The following CHODL variants were observed in gnomAD, a reference collection of about 807,000 sequenced individuals.
The protein encoded by CHODL is transmembrane protein MT75.
Under a neutral mutation model 34.5 loss-of-function variants are expected in CHODL, and 29 were observed. That is an observed-to-expected ratio of 0.84 (90% CI 0.63 to 1.15). The LOEUF (loss-of-function observed/expected upper bound fraction) is 1.15, where lower values mean the gene tolerates loss of function less well. CHODL is among the 50% of genes most tolerant of loss of function. The pLI, the probability that CHODL is intolerant of heterozygous loss-of-function variation, is 0.00. For missense variants in CHODL, 332 were observed against 332.5 expected (o/e 1.00, Z 0.01); for synonymous variants, 125 against 116.1 (o/e 1.08, Z -0.49).
intron 2 of CHODL, among the ~76,000 whole-genome samples, chr21:18,102,265 C>T (rs1255943682): frequency 2.6e-5 from 4 of 152,158 alleles, no homozygotes; most frequent in Non-Finnish European, 4.4e-5. Context: ...CCCAACACTT[C>T]CTTTTGTCAT....
intron 2 of CHODL, among the ~76,000 whole-genome samples, chr21:18,029,883 T>C (rs2064226934): frequency 6.6e-6 from 1 of 152,124 alleles, no homozygotes; most frequent in South Asian, 2.1e-4. Context: ...GGAAGTGTCC[T>C]GTGATAGCAT....
chr21:18,007,790 C>T (rs559373232), intron 1 of CHODL, among the ~76,000 whole-genome samples: 1 of 152,204 alleles, frequency 6.6e-6, no homozygotes, highest in Non-Finnish European at 1.5e-5. Context: ...AAACATAGGA[C>T]TGAACTAGAA....
intron 2 of CHODL, among the ~76,000 whole-genome samples, chr21:18,157,332 G>A (rs943833287): frequency 2.6e-5 from 4 of 151,940 alleles, no homozygotes; most frequent in South Asian, 2.1e-4. Flanking sequence ...CATTATTACC[G>A]TTATGCACTT....
chr21:18,013,107 G>A (rs1442997873), intron 1 of CHODL, among the ~76,000 whole-genome samples: 1 of 152,028 alleles, frequency 6.6e-6, no homozygotes, highest in Non-Finnish European at 1.5e-5. Context: ...TTTATTATTT[G>A]TTTAATTTTT....
At position 18,171,204 on chromosome 21, in the gene CHODL, T is replaced by C. The variant is rs1289485244; in HGVS notation, c.-44-85305T>C. ...TCAGACATGGTTTTCTTTAGTTTTT[T>C]TTTTTTTTTTTTTGAGACGGAGTCT... On this transcript the variant is annotated intron_variant, in intron 2 of 6. Coordinates refer to the CHODL transcript ENST00000400127. Among the ~76,000 whole-genome samples, 13 of 38,412 alleles carry C rather than the reference T, an allele frequency of 3.4e-4. 4 individuals carry two copies. Among genetic ancestry groups the C allele is most frequent in the African/African-American group, 1.2e-3 (11 of 8,862 alleles). The allele number at this position is 38,412 out of a possible 152,430, so 25.2% of individuals were successfully genotyped here. A position where few individuals can be genotyped will look rare whatever the true frequency, so the allele number is the denominator to read the frequency against.
intron 2 of CHODL, among the ~76,000 whole-genome samples, chr21:18,210,665 T>G (rs1307385034): frequency 3.3e-5 from 5 of 152,130 alleles, no homozygotes; most frequent in Admixed American, 2.0e-4. Flanking sequence ...ATCTAGAAAT[T>G]TATTCCTCCT....
chr21:18,013,779 C>A (rs158066), intron 1 of CHODL, among the ~76,000 whole-genome samples: 13 of 151,398 alleles, frequency 8.6e-5, no homozygotes, highest in Non-Finnish European at 1.8e-4. Flanking sequence ...GGACTACAGG[C>A]GTGTGCCACC....
At chr21:18,086,975 T>C (rs1243406290) in intron 2 of CHODL, among the ~76,000 whole-genome samples, 3 of 152,234 alleles carry the variant, frequency 2.0e-5, no homozygotes, top group African/African-American at 7.2e-5. Flanking sequence ...AAGCAGTCCA[T>C]GTGGGTGTTC....
chr21:17,991,687 G>C lies in CHODL; in HGVS notation c.-144-36185G>C, dbSNP rs186876238. Among the ~76,000 whole-genome samples the C allele has an allele frequency of 3.6e-3, 540 of 148,270 alleles. 8 individuals are homozygous for C. The highest frequency in any genetic ancestry group is 0.013 in the African/African-American group (519 of 40,472). ...TTTTTTTTTTTTTTTGGTGTGGGGA[G>C]GTGTTGAGTTGTTTGCATTTCTTAT... On this transcript the variant is annotated intron_variant, in intron 1 of 6. Transcript: ENST00000400127.
At chr21:18,103,307 T>G (rs2065237208) in intron 2 of CHODL, among the ~76,000 whole-genome samples, 1 of 152,200 alleles carries the variant, frequency 6.6e-6, no homozygotes, top group African/African-American at 2.4e-5. Flanking sequence ...ATAAACATCC[T>G]AGTCTCTCAG....
chr21:18,206,464 T>G (rs1378469013), intron 2 of CHODL, among the ~76,000 whole-genome samples: 1 of 152,184 alleles, frequency 6.6e-6, no homozygotes, highest in Non-Finnish European at 1.5e-5. Flanking sequence ...CTTCTGCTCT[T>G]TTTTGGTTTC....
chr21:17,984,545 T>C (rs1388820375), intron 1 of CHODL, among the ~76,000 whole-genome samples: 3 of 152,198 alleles, frequency 2.0e-5, no homozygotes, highest in Non-Finnish European at 2.9e-5. Flanking sequence ...GGTGTTTGTC[T>C]TTTGTACATG....
chr21:17,990,984 A>G (rs932551524), intron 1 of CHODL, among the ~76,000 whole-genome samples: 1 of 152,078 alleles, frequency 6.6e-6, no homozygotes, highest in Non-Finnish European at 1.5e-5. Context: ...TCCGAGGCTC[A>G]AGTAACCATT....
chr21:18,253,393 G>A (rs1364137599), intron 1 of CHODL, among the ~76,000 whole-genome samples: 1 of 151,832 alleles, frequency 6.6e-6, no homozygotes, highest in African/African-American at 2.4e-5. Context: ...AAAGTGCTGG[G>A]ATAAAATCCA....
At chr21:18,239,282 CTTA>C (rs991530986) in intron 2 of CHODL, among the ~76,000 whole-genome samples, 14 of 151,954 alleles carry the variant, frequency 9.2e-5, no homozygotes, top group Non-Finnish European at 1.6e-4. Context: ...CAGAGTATTC[CTTA>C]TTATTTCCAA....
chr21:18,230,714 A>G (rs1389271836), intron 2 of CHODL, among the ~76,000 whole-genome samples: 1 of 152,134 alleles, frequency 6.6e-6, no homozygotes, highest in Non-Finnish European at 1.5e-5. Flanking sequence ...AGGTGGGCTA[A>G]TATGTCTCTT....
At chr21:18,203,586 ACTGT>A (rs569133406) in intron 2 of CHODL, among the ~76,000 whole-genome samples, 165 of 152,258 alleles carry the variant, frequency 1.1e-3, no homozygotes, top group Non-Finnish European at 1.3e-3. Context: ...TACTTACAAC[ACTGT>A]CTGTCATTCC....
intron 1 of CHODL, among the ~76,000 whole-genome samples, chr21:17,933,167 C>G (rs2063289551): frequency 6.6e-6 from 1 of 152,204 alleles, no homozygotes; most frequent in Non-Finnish European, 1.5e-5. Context: ...CTGAGACATT[C>G]CATTGCCCAG....
chr21:18,206,896 T>TA (rs1249353873), intron 2 of CHODL, among the ~76,000 whole-genome samples: 77 of 147,572 alleles, frequency 5.2e-4, no homozygotes, highest in African/African-American at 1.9e-3. Flanking sequence ...TTATTATTAT[T>TA]TTATTATACT....
Sources: allele counts gnomAD v4.1 joint callset (sites outside exome capture counted in the v4.1 genomes callset), GRCh38; gene constraint gnomAD v4.1.1; transcripts MANE v1.5; gene names NCBI Gene and HGNC (gene_info 2026-07-23, HGNC 2026-07-21).